The following SLC35F3 variants were observed in gnomAD, a reference collection of about 807,000 sequenced individuals.
SLC35F3 encodes the protein putative thiamine transporter SLC35F3.
In SLC35F3, 25 loss-of-function variants were observed where a neutral mutation model predicts 49.9. The observed-to-expected ratio is 0.50, with a 90% CI of 0.37 to 0.70. SLC35F3 has a LOEUF of 0.70. Among genes scored for constraint, SLC35F3 ranks in the 30% least tolerant of loss-of-function variants. The pLI, the probability that SLC35F3 is intolerant of heterozygous loss-of-function variation, is 0.00. For missense variants in SLC35F3, 525 were observed against 639.8 expected (o/e 0.82, Z 1.94); for synonymous variants, 275 against 265.4 (o/e 1.04, Z -0.35).
At chr1:234,139,298 T>C (rs2102902085) in intron 2 of SLC35F3, among the ~76,000 whole-genome samples, 1 of 152,306 alleles carries the variant, frequency 6.6e-6, no homozygotes, top group African/African-American at 2.4e-5. Flanking sequence ...GTTTAAGAAA[T>C]GTAGTATGTT....
chr1:233,968,287 G>T (rs1417954376), intron 2 of SLC35F3, among the ~76,000 whole-genome samples: 1 of 152,106 alleles, frequency 6.6e-6, no homozygotes, highest in African/African-American at 2.4e-5. Flanking sequence ...TTTTGGATTA[G>T]GGGTCCTTTT....
chr1:234,126,790 G>A (rs1254004357), intron 2 of SLC35F3, among the ~76,000 whole-genome samples: 1 of 152,048 alleles, frequency 6.6e-6, no homozygotes, highest in Non-Finnish European at 1.5e-5. Context: ...TGAACTCCTG[G>A]GCTCAAGCTA....
rs371310289 is a variant in SLC35F3, at chr1:234,231,473, G to C, written c.340G>C (p.Val114Leu). The change falls in exon 3 of 8, where the codon GTG becomes CTG. Residue 114 changes from valine to leucine, a missense_variant. Around this residue, in one of 4 missense-constraint regions of SLC35F3, gnomAD observed 228 missense variants for 218.9 expected, o/e 1.04. Coordinates refer to ENST00000366618, the MANE Select transcript of SLC35F3 (RefSeq NM_173508.4). The surrounding 1 kb of genome is among the most constrained non-coding windows in gnomAD (Gnocchi z 5.4). ...GPAEAQAPAG[V>L]EAGGRASRRC... ...GGCGGAGGCCCAGGCACCGGCCGGG[G>C]TGGAGGCCGGCGGGAGAGCGAGTCG... 6.2e-7 allele frequency: 1 copy of C among 1,611,658 alleles called. No individual in the cohort carries two copies. The highest frequency in any genetic ancestry group is 1.7e-5 in the Admixed American group (1 of 59,896).
At position 234,049,062 on chromosome 1, in the gene SLC35F3, A is replaced by G. The variant is rs140075105; in HGVS notation, c.283+143304A>G. On this transcript the variant is annotated intron_variant, in intron 2 of 7. Transcript: ENST00000366618. ...TATATCTGATTTAAATCATATTTAT[A>G]TGAAACTTTGGGCTTTAGACTTTAG... Among the ~76,000 whole-genome samples, 803 of 152,316 alleles carry G rather than the reference A, an allele frequency of 5.3e-3. 9 individuals are homozygous for G. Among genetic ancestry groups the G allele is most frequent in the African/African-American group, 0.018 (740 of 41,556 alleles).
At chr1:234,197,336 G>C (rs568625465) in intron 2 of SLC35F3, among the ~76,000 whole-genome samples, 268 of 152,274 alleles carry the variant, frequency 1.8e-3, no homozygotes, top group Non-Finnish European at 3.0e-3. Context: ...GGCCATCTGG[G>C]GGATAAGGCT....
At chr1:233,985,607 A>G (rs1663255101) in intron 2 of SLC35F3, among the ~76,000 whole-genome samples, 1 of 152,222 alleles carries the variant, frequency 6.6e-6, no homozygotes, top group Admixed American at 6.5e-5. Context: ...AATTCTAATT[A>G]CAATCATTGG....
intron 2 of SLC35F3, among the ~76,000 whole-genome samples, chr1:234,217,653 AG>A (rs948212935): frequency 2.0e-5 from 3 of 151,944 alleles, no homozygotes; most frequent in Non-Finnish European, 2.9e-5. Context: ...GGCCTTTCTG[AG>A]GAGAAGATAT....
intron 2 of SLC35F3, among the ~76,000 whole-genome samples, chr1:233,916,800 T>C (rs1007791090): frequency 6.6e-6 from 1 of 152,204 alleles, no homozygotes. Context: ...ATGTGGTCCC[T>C]CTTTAGAAGC....
intron 2 of SLC35F3, among the ~76,000 whole-genome samples, chr1:234,224,677 G>T (rs749424129): frequency 4.6e-5 from 7 of 152,214 alleles, no homozygotes; most frequent in African/African-American, 1.7e-4. Flanking sequence ...CTGTATTCCC[G>T]TTGATGCTCT....
intron 3 of SLC35F3, among the ~76,000 whole-genome samples, chr1:234,271,098 T>C (rs938311799): frequency 6.6e-6 from 1 of 152,238 alleles, no homozygotes; most frequent in Admixed American, 6.5e-5. Context: ...TGGAATTTTA[T>C]TGCTGTTAAA....
Position 234,266,445 on chromosome 1 carries a change from G to A in SLC35F3, c.608+34704G>A, listed in dbSNP as rs187081857. Reference sequence around the variant, plus strand: ...ACAGTATCAGGCGAGGTGAGGATGTGCAAGTTCTGAACCTACATTCATTGT... The same window carrying A: ...ACAGTATCAGGCGAGGTGAGGATGTACAAGTTCTGAACCTACATTCATTGT... On this transcript the variant is annotated intron_variant, in intron 3 of 7. Coordinates refer to ENST00000366618, the MANE Select transcript of SLC35F3 (RefSeq NM_173508.4). 1.0e-3 allele frequency among the ~76,000 whole-genome samples: 155 copies of A among 152,306 alleles called. 1 individual carries two copies. Among genetic ancestry groups the A allele is most frequent in the African/African-American group, 3.5e-3 (147 of 41,566 alleles).
intron 3 of SLC35F3, among the ~76,000 whole-genome samples, chr1:234,286,317 AT>A (rs1668418998): frequency 6.6e-6 from 1 of 152,208 alleles, no homozygotes; most frequent in Admixed American, 6.5e-5. Context: ...GAAGGGCCAA[AT>A]AGAACAGAAA....
At chr1:234,047,583 TC>T (rs2102855879) in intron 2 of SLC35F3, among the ~76,000 whole-genome samples, 1 of 152,290 alleles carries the variant, frequency 6.6e-6, no homozygotes, top group East Asian at 1.9e-4. Context: ...AACTATACCA[TC>T]AGCTGTCTTG....
chr1:233,934,374 G>T (rs1028889293), intron 2 of SLC35F3, among the ~76,000 whole-genome samples: 1 of 152,144 alleles, frequency 6.6e-6, no homozygotes, highest in African/African-American at 2.4e-5. Flanking sequence ...CTATATGTAT[G>T]AATTCCTTAT....
chr1:234,164,837 T>C (rs1379094416), intron 2 of SLC35F3, among the ~76,000 whole-genome samples: 1 of 14,374 alleles, frequency 7.0e-5, no homozygotes, highest in Non-Finnish European at 1.3e-4. Context: ...TACTGTGATT[T>C]GGGTGGGGGG....
intron 2 of SLC35F3, among the ~76,000 whole-genome samples, chr1:234,226,488 G>T (rs1347885412): frequency 1.3e-5 from 2 of 150,850 alleles, no homozygotes; most frequent in African/African-American, 4.9e-5. Context: ...CATTTTATGA[G>T]ATGAGAATGA....
At chr1:234,113,425 G>A (rs1041913030) in intron 2 of SLC35F3, among the ~76,000 whole-genome samples, 2 of 152,218 alleles carry the variant, frequency 1.3e-5, no homozygotes, top group Admixed American at 6.5e-5. Flanking sequence ...ATTTAAAGAA[G>A]CTAGAGGAGG....
intron 2 of SLC35F3, among the ~76,000 whole-genome samples, chr1:234,127,718 TATG>T (rs1353099211): frequency 3.3e-5 from 5 of 150,752 alleles, no homozygotes; most frequent in South Asian, 2.1e-4. Context: ...GTATTAAAAA[TATG>T]ATGAGATTTT....
chr1:233,907,484 A>T (rs954653708), intron 2 of SLC35F3, among the ~76,000 whole-genome samples: 1 of 152,220 alleles, frequency 6.6e-6, no homozygotes, highest in Admixed American at 6.5e-5. Context: ...TCACTGGAAG[A>T]GTAAATAGTA....
Sources: gnomAD v4.1 joint callset for allele counts (sites outside exome capture counted in the v4.1 genomes callset) on GRCh38, gnomAD v4.1.1 for gene constraint, gnomAD v4.1.1 regional missense constraint, Gnocchi (gnomAD v3.1) non-coding constraint, MANE v1.5 for transcripts, NCBI Gene and HGNC (gene_info 2026-07-23, HGNC 2026-07-21) for gene names.